RIOK1: variants seen among roughly 807,000 people sequenced by gnomAD.
The protein encoded by RIOK1 is RIO kinase 1, also known as serine/threonine-protein kinase RIO1.
Under a neutral mutation model 73.5 loss-of-function variants are expected in RIOK1, and 66 were observed. That is an observed-to-expected ratio of 0.90 (90% CI 0.74 to 1.10). The LOEUF (loss-of-function observed/expected upper bound fraction) is 1.10. Ranked by LOEUF, RIOK1 falls within the 50% of genes least tolerant of loss-of-function variation. The pLI is 0.00. For missense variants in RIOK1, 658 were observed against 699.8 expected (o/e 0.94, Z 0.67); for synonymous variants, 224 against 226.8 (o/e 0.99, Z 0.11).
intron 6 of RIOK1, among the ~76,000 whole-genome samples, chr6:7,401,449 C>A (rs1408920180): frequency 2.6e-5 from 4 of 152,108 alleles, no homozygotes; most frequent in Non-Finnish European, 5.9e-5. Flanking sequence ...TCAAAATTGA[C>A]TACTCCAGCT....
At chr6:7,404,798 T>A in intron 10 of RIOK1, 120 bp from the exon 11 acceptor site, 2 of 959,578 alleles carry the variant, frequency 2.1e-6, no homozygotes, top group Non-Finnish European at 3.1e-6. Flanking sequence ...GATTGCCTCA[T>A]CTTATCTACC....
In RIOK1 at chr6:7,412,884, A is replaced by G. The variant is rs1240941901; in HGVS notation, c.1390-5A>G. ...TTATTTTTTTTTTTTCATTTTGGTT[A>G]TAAGATTCTATACCAGACTGTTACA... is the stretch of plus-strand genomic sequence containing the variant. On this transcript the variant is annotated splice_region_variant and splice_polypyrimidine_tract_variant and intron_variant, in intron 14 of 16. Coordinates refer to ENST00000379834, the MANE Select transcript of RIOK1 (RefSeq NM_031480.3). 2.7e-6 allele frequency: 4 copies of G among 1,489,180 alleles called. No homozygotes were observed. The highest frequency in any genetic ancestry group is 3.6e-6 in the Non-Finnish European group (4 of 1,109,506). 92.2% of individuals were successfully genotyped at this position (1,489,180 alleles called of 1,614,324 possible).
At position 7,389,900 on chromosome 6, in the gene RIOK1, A is replaced by C. The variant is rs1256143180; in HGVS notation, c.-103A>C. The C allele has an allele frequency of 2.3e-6, 2 of 861,212 alleles. No individual in the cohort carries two copies. Among genetic ancestry groups the C allele is most frequent in the African/African-American group, 1.7e-5 (1 of 57,858 alleles). 53.3% of individuals were successfully genotyped at this position (861,212 alleles called of 1,614,324 possible). On this transcript the variant is annotated 5_prime_UTR_variant, in exon 1 of 17. Transcript: ENST00000379834. The stretch of plus-strand genomic sequence containing the variant: ...ACTGTTGGCTTCTGAATGGTTTGCA[A>C]GGCGGATATCCACGCCAAGGCCTTT...
intron 1 of RIOK1, among the ~76,000 whole-genome samples, chr6:7,391,452 G>A (rs1278835304): frequency 6.6e-6 from 1 of 152,178 alleles, no homozygotes; most frequent in Non-Finnish European, 1.5e-5. Context: ...CAGAGAAAGA[G>A]GAAGGGCATT....
rs924940719 is a variant in RIOK1, at chr6:7,405,423, C to T, written c.1203+68C>T. ...GGTGCAGTATCTCTTATCTCAAGTGCTTGGGACCAGAAGTGTTTTGGATTT... is the reference window on the plus strand; with the variant it reads ...GGTGCAGTATCTCTTATCTCAAGTGTTTGGGACCAGAAGTGTTTTGGATTT... On this transcript the variant is annotated intron_variant, in intron 12 of 16. Transcript: ENST00000379834. The T allele has an allele frequency of 3.3e-5, 30 of 922,056 alleles. 1 individual carries two copies. The South Asian group carries it at 3.7e-4, about 11-fold the overall frequency. 57.1% of individuals were successfully genotyped at this position (922,056 alleles called of 1,614,324 possible). A position where few individuals can be genotyped will look rare whatever the true frequency, so the allele number is the denominator to read the frequency against.
intron 6 of RIOK1, among the ~76,000 whole-genome samples, chr6:7,401,663 A>G (rs918155875): frequency 9.7e-5 from 14 of 144,508 alleles, no homozygotes; most frequent in Admixed American, 2.8e-4. Context: ...AAATCACTGG[A>G]TTTTTAAATT....
In RIOK1 at chr6:7,402,865, T is replaced by C. The variant is rs370030837; in HGVS notation, c.735T>C (p.Thr245=). ...GAAACCCTAGGAAAATGGTGAAAAC[T>C]TGGGCAGAAAAAGAAATGAGGAACT... ...CKGNPRKMVK[T]WAEKEMRNLI... Residue 245 remains threonine (T), a synonymous_variant, in exon 8 of 17, where the codon ACT becomes ACC. Coordinates refer to ENST00000379834, the MANE Select transcript of RIOK1 (RefSeq NM_031480.3). The C allele has an allele frequency of 1.2e-6, 2 of 1,614,028 alleles. No homozygotes were observed. The highest frequency in any genetic ancestry group is 1.7e-6 in the Non-Finnish European group (2 of 1,179,928).
intron 5 of RIOK1, among the ~76,000 whole-genome samples, chr6:7,399,191 A>C (rs1761553722): frequency 6.6e-6 from 1 of 152,194 alleles, no homozygotes; most frequent in Admixed American, 6.5e-5. Context: ...AGAATGGGGA[A>C]AAATTGGCCC....
At chr6:7,407,932 G>A (rs909366887) in intron 12 of RIOK1, among the ~76,000 whole-genome samples, 2 of 152,120 alleles carry the variant, frequency 1.3e-5, no homozygotes, top group Admixed American at 6.5e-5. Context: ...AAGCTTTGAT[G>A]CACAGAAGTT....
At chr6:7,409,451 A>G (rs1295034227) in intron 12 of RIOK1, among the ~76,000 whole-genome samples, 2 of 151,512 alleles carry the variant, frequency 1.3e-5, no homozygotes, top group Non-Finnish European at 2.9e-5. Flanking sequence ...ACGGGTTTTC[A>G]CCATGTTGAC....
At chr6:7,410,201 G>A (rs1761853853) in intron 12 of RIOK1, among the ~76,000 whole-genome samples, 185 bp from the exon 13 acceptor site, 1 of 152,166 alleles carries the variant, frequency 6.6e-6, no homozygotes, top group Non-Finnish European at 1.5e-5. Context: ...TGGGTTGATG[G>A]CAGCCTTTTT....
At position 7,405,268 on chromosome 6, in the gene RIOK1, T is replaced by C; in HGVS notation, c.1116T>C (p.Ser372=). The part of the protein sequence containing the change: ...ANVNDFFMRH[S]VAVMTVRELF... ...TGACAGATTTCTTTATGAGGCACAGTGTTGCTGTCATGACTGTGCGGGAGC... is the reference window on the plus strand; with the variant it reads ...TGACAGATTTCTTTATGAGGCACAGCGTTGCTGTCATGACTGTGCGGGAGC... Residue 372 remains serine (S), a synonymous_variant, in exon 12 of 17, where the codon AGT becomes AGC. Coordinates refer to ENST00000379834, the MANE Select transcript of RIOK1 (RefSeq NM_031480.3). 6.2e-7 allele frequency: 1 copy of C among 1,611,758 alleles called. No individual in the cohort carries two copies.
chr6:7,413,011 C>T, intron 15 of RIOK1, 69 bp downstream of exon 15: 1 of 755,366 alleles, frequency 1.3e-6, no homozygotes, highest in African/African-American at 1.9e-5. Context: ...TCTAGTCATA[C>T]TGTTTTTTAT....
At chr6:7,395,199 G>A in intron 3 of RIOK1, 56 bp downstream of exon 3, 1 of 1,550,140 alleles carries the variant, frequency 6.5e-7, no homozygotes, top group Non-Finnish European at 8.8e-7. Flanking sequence ...AAACCATGGA[G>A]TGTTGTATAA....
At chr6:7,407,824 T>C (rs1422882998) in intron 12 of RIOK1, among the ~76,000 whole-genome samples, 1 of 152,088 alleles carries the variant, frequency 6.6e-6, no homozygotes, top group Non-Finnish European at 1.5e-5. Context: ...GGTTTGGTTT[T>C]TTTTGTTGAG....
At chr6:7,392,285 T>C (rs1361371108) in intron 1 of RIOK1, among the ~76,000 whole-genome samples, 2 of 151,240 alleles carry the variant, frequency 1.3e-5, no homozygotes, top group Non-Finnish European at 2.9e-5. Flanking sequence ...TGTGCTCCCT[T>C]TACCTTGGAC....
At chr6:7,412,317 C>T (rs1463403886) in intron 14 of RIOK1, among the ~76,000 whole-genome samples, 4 of 150,808 alleles carry the variant, frequency 2.7e-5, no homozygotes, top group South Asian at 2.1e-4. Context: ...GCTGAGATTG[C>T]GCCATTGGAC....
At chr6:7,416,376 C>T (rs1446302902) in intron 16 of RIOK1, among the ~76,000 whole-genome samples, 9 of 152,140 alleles carry the variant, frequency 5.9e-5, no homozygotes, top group South Asian at 2.1e-4. Context: ...CAGCTGGGCG[C>T]GGTGGCTCAC....
At position 7,402,799 on chromosome 6, in the gene RIOK1, A is replaced by T. The variant is rs1402095956; in HGVS notation, c.687-18A>T. ...AATAATGGAATGATTGAAATAATAA[A>T]CATTTTTCTTATTCAAGATTTCGTC... On this transcript the variant is annotated intron_variant, in intron 7 of 16. Coordinates refer to ENST00000379834, the MANE Select transcript of RIOK1 (RefSeq NM_031480.3). 1.2e-6 allele frequency: 2 copies of T among 1,606,356 alleles called. No individual in the cohort carries two copies. Among genetic ancestry groups the T allele is most frequent in the Non-Finnish European group, 1.7e-6 (2 of 1,174,798 alleles).
Sources: allele counts gnomAD v4.1 joint callset (sites outside exome capture counted in the v4.1 genomes callset), GRCh38; gene constraint gnomAD v4.1.1; transcripts MANE v1.5; gene names NCBI Gene and HGNC (gene_info 2026-07-23, HGNC 2026-07-21).